Variants in ZMAT4 observed in about 807,000 individuals in gnomAD.
ZMAT4 encodes zinc finger matrin-type 4, also known as zinc finger matrin-type protein 4.
A neutral mutation model predicts 28.7 loss-of-function variants in ZMAT4; 17 were observed. The ratio of observed to expected loss-of-function variants is 0.59; its 90% CI spans 0.41 to 0.89. The LOEUF (loss-of-function observed/expected upper bound fraction) is 0.89, where lower values mean the gene tolerates loss of function less well. Ranked by LOEUF, ZMAT4 falls within the 40% of genes least tolerant of loss-of-function variation. The probability of loss-of-function intolerance (pLI) is 0.00; values close to 1 mark genes in which losing one functional copy is unlikely to be tolerated. For synonymous variants in ZMAT4, 117 were observed against 109.2 expected (o/e 1.07, Z -0.44); for missense variants, 240 against 283.8 (o/e 0.85, Z 1.11).
intron 5 of ZMAT4, among the ~76,000 whole-genome samples, chr8:40,663,188 ACC>A (rs1203977468): frequency 6.6e-6 from 1 of 152,048 alleles, no homozygotes; most frequent in Non-Finnish European, 1.5e-5. Context: ...AGTTATGATC[ACC>A]CTTCCCCATC....
At chr8:40,668,651 T>TAGTA (rs1251417027) in intron 5 of ZMAT4, among the ~76,000 whole-genome samples, 1 of 152,066 alleles carries the variant, frequency 6.6e-6, no homozygotes, top group African/African-American at 2.4e-5. Context: ...CTAACTCTAC[T>TAGTA]GTTTTGTGCA....
intron 2 of ZMAT4, among the ~76,000 whole-genome samples, chr8:40,797,186 T>G (rs1814634687): frequency 6.6e-6 from 1 of 152,132 alleles, no homozygotes; most frequent in Non-Finnish European, 1.5e-5. Context: ...CCTCTGTGAA[T>G]CCGGGCCTGT....
chr8:40,591,205 T>C (rs1300766589), intron 5 of ZMAT4, among the ~76,000 whole-genome samples: 1 of 152,114 alleles, frequency 6.6e-6, no homozygotes, highest in Non-Finnish European at 1.5e-5. Flanking sequence ...GCAGGGATGG[T>C]CAGATCATGT....
intron 4 of ZMAT4, among the ~76,000 whole-genome samples, chr8:40,691,911 A>G (rs1435556420): frequency 1.3e-5 from 2 of 152,154 alleles, no homozygotes; most frequent in Non-Finnish European, 2.9e-5. Context: ...TATATCACCT[A>G]TTTTACAAAG....
intron 2 of ZMAT4, among the ~76,000 whole-genome samples, chr8:40,802,729 C>A (rs1281332033): frequency 6.6e-6 from 1 of 152,012 alleles, no homozygotes; most frequent in Admixed American, 6.6e-5. Flanking sequence ...ATTGATTCTA[C>A]AGTTTAGACA....
chr8:40,746,891 C>G (rs1290448791), intron 3 of ZMAT4, among the ~76,000 whole-genome samples: 5 of 152,142 alleles, frequency 3.3e-5, no homozygotes, highest in Admixed American at 6.5e-5. Flanking sequence ...CTTCCTTAAC[C>G]TTCTTACCCA....
chr8:40,620,662 T>C (rs1287398557), intron 5 of ZMAT4, among the ~76,000 whole-genome samples: 2 of 152,234 alleles, frequency 1.3e-5, no homozygotes, highest in African/African-American at 4.8e-5. Context: ...GTTTTACAAA[T>C]GTTATTATTA....
intron 1 of ZMAT4, among the ~76,000 whole-genome samples, chr8:40,872,031 A>G (rs1210719507): frequency 6.6e-6 from 1 of 152,214 alleles, no homozygotes; most frequent in African/African-American, 2.4e-5. Flanking sequence ...GCCAACTGAC[A>G]AATTCAGAAG....
chr8:40,729,012 AG>A (rs1273223444), intron 3 of ZMAT4, among the ~76,000 whole-genome samples: 1 of 152,368 alleles, frequency 6.6e-6, no homozygotes, highest in Admixed American at 6.5e-5. Flanking sequence ...CAGAATCAGT[AG>A]TTCTTTCCTT....
intron 2 of ZMAT4, among the ~76,000 whole-genome samples, chr8:40,795,703 G>T (rs965497300): frequency 2.0e-5 from 3 of 152,162 alleles, no homozygotes; most frequent in African/African-American, 7.2e-5. Context: ...ACTATCCGTT[G>T]CATTAATGTT....
At chr8:40,663,492 G>C (rs1808285025) in intron 5 of ZMAT4, among the ~76,000 whole-genome samples, 1 of 152,148 alleles carries the variant, frequency 6.6e-6, no homozygotes, top group Admixed American at 6.6e-5. Context: ...CAGGAACTTA[G>C]TGTGTTTGAA....
chr8:40,716,961 T>C (rs371082151), intron 3 of ZMAT4, among the ~76,000 whole-genome samples: 104 of 152,328 alleles, frequency 6.8e-4, no homozygotes, highest in African/African-American at 2.4e-3. Context: ...AGCATACCTA[T>C]CATTGTGAAA....
At chr8:40,881,598 GAAAAGA>G (rs1164947368) in intron 1 of ZMAT4, among the ~76,000 whole-genome samples, 1 of 88,938 alleles carries the variant, frequency 1.1e-5, no homozygotes, top group African/African-American at 4.4e-5. Flanking sequence ...AAGAAAGAAA[GAAAAGA>G]AAAGAAAAGA....
At chr8:40,655,188 CA>C (rs966928929) in intron 5 of ZMAT4, among the ~76,000 whole-genome samples, 1 of 151,604 alleles carries the variant, frequency 6.6e-6, no homozygotes, top group Non-Finnish European at 1.5e-5. Context: ...ATGAGCAATC[CA>C]AAAATAAAAT....
At chr8:40,833,540 C>CAAATAAAAAAAAAA (rs1816364308) in intron 1 of ZMAT4, among the ~76,000 whole-genome samples, 1 of 87,098 alleles carries the variant, frequency 1.1e-5, no homozygotes, top group Non-Finnish European at 2.4e-5. Context: ...TACACTCCAG[C>CAAATAAAAAAAAAA]AAAAAAAAAA....
chr8:40,590,251 C>T (rs1265548698), intron 5 of ZMAT4, among the ~76,000 whole-genome samples: 1 of 151,430 alleles, frequency 6.6e-6, no homozygotes, highest in East Asian at 2.0e-4. Flanking sequence ...AGGCAGTTCT[C>T]AAACTCCTGG....
At chr8:40,667,442 C>T (rs1407302957) in intron 5 of ZMAT4, among the ~76,000 whole-genome samples, 1 of 152,208 alleles carries the variant, frequency 6.6e-6, no homozygotes, top group Non-Finnish European at 1.5e-5. Flanking sequence ...GTGTGAGCCA[C>T]CGTGCCCGGC....
intron 5 of ZMAT4, among the ~76,000 whole-genome samples, chr8:40,592,569 G>A (rs1289950197): frequency 1.3e-5 from 2 of 152,174 alleles, no homozygotes; most frequent in African/African-American, 2.4e-5. Flanking sequence ...GAAGCAAATG[G>A]CTTTGCATCT....
intron 4 of ZMAT4, among the ~76,000 whole-genome samples, chr8:40,690,348 C>T (rs1224106329): frequency 6.6e-6 from 1 of 152,180 alleles, no homozygotes; most frequent in Non-Finnish European, 1.5e-5. Context: ...ATAACGATCA[C>T]TAAGCCCCTT....
Sources: gnomAD v4.1 joint callset for allele counts (sites outside exome capture counted in the v4.1 genomes callset) on GRCh38, gnomAD v4.1.1 for gene constraint, MANE v1.5 for transcripts, NCBI Gene and HGNC (gene_info 2026-07-23, HGNC 2026-07-21) for gene names.